The following PCF11 variants were observed in gnomAD, a reference collection of about 807,000 sequenced individuals.
PCF11 encodes the protein PCF11 cleavage and polyadenylation factor subunit.
Under a neutral mutation model 166.1 loss-of-function variants are expected in PCF11, and 19 were observed. The ratio of observed to expected loss-of-function variants is 0.11; its 90% CI spans 0.08 to 0.17. The LOEUF is 0.17. Among genes scored for constraint, PCF11 ranks in the 10% least tolerant of loss-of-function variants. PCF11 has a pLI of 1.00. For synonymous variants in PCF11, 663 were observed against 644.1 expected (o/e 1.03, Z -0.44); for missense variants, 1,565 against 1,855.5 (o/e 0.84, Z 2.88).
chr11:83,186,979 G>T (rs1861313132), exon 16 of PCF11: 1 of 152,326 alleles, frequency 6.6e-6, no homozygotes, highest in Admixed American at 6.5e-5. Flanking sequence ...GGGGAACAAA[G>T]ACTGGTAGGT....
At chr11:83,178,523 C>G (rs972084291) in intron 11 of PCF11, among the ~76,000 whole-genome samples, 1 of 151,792 alleles carries the variant, frequency 6.6e-6, no homozygotes, top group African/African-American at 2.4e-5. Flanking sequence ...CGGCTGGGCG[C>G]GGTGGCTCAC....
intron 9 of PCF11, among the ~76,000 whole-genome samples, chr11:83,174,011 G>A (rs1395001787): frequency 6.6e-6 from 1 of 152,136 alleles, no homozygotes; most frequent in African/African-American, 2.4e-5. Context: ...CTACAGGTAT[G>A]AGCCACTGTG....
At chr11:83,168,160 TC>T (rs1860539546) in intron 7 of PCF11, among the ~76,000 whole-genome samples, 2 of 152,202 alleles carry the variant, frequency 1.3e-5, no homozygotes, top group Non-Finnish European at 2.9e-5. Flanking sequence ...AAGTGTATAT[TC>T]TCCCTATTTT....
chr11:83,173,719 C>CTTTTTTTTTTTTT (rs869126679), intron 9 of PCF11, among the ~76,000 whole-genome samples: 21 of 59,072 alleles, frequency 3.6e-4, no homozygotes, highest in Non-Finnish European at 5.2e-4. Flanking sequence ...TTCTTTCTTT[C>CTTTTTTTTTTTTT]TTTTTTTTTT....
chr11:83,176,824 C>T (rs889710826), intron 9 of PCF11, among the ~76,000 whole-genome samples: 52 of 150,522 alleles, frequency 3.5e-4, no homozygotes, highest in African/African-American at 1.1e-3. Context: ...TACCCTAGAA[C>T]TTAAAAGTAT....
intron 8 of PCF11, among the ~76,000 whole-genome samples, chr11:83,170,914 C>T (rs1333851195): frequency 6.6e-6 from 1 of 152,116 alleles, no homozygotes; most frequent in African/African-American, 2.4e-5. Flanking sequence ...GTTGGCTTGC[C>T]TAGATTTACT....
chr11:83,170,454 C>CT (rs931779005), intron 8 of PCF11, among the ~76,000 whole-genome samples: 17 of 151,344 alleles, frequency 1.1e-4, no homozygotes, highest in Admixed American at 9.2e-4. Flanking sequence ...GTCTACAATT[C>CT]TTTTTTTTTG....
At chr11:83,170,810 GA>G (rs1369930712) in intron 8 of PCF11, among the ~76,000 whole-genome samples, 1 of 152,120 alleles carries the variant, frequency 6.6e-6, no homozygotes, top group African/African-American at 2.4e-5. Context: ...TTGCATGGAA[GA>G]AAATACAAAA....
chr11:83,172,622 G>A lies in PCF11; in HGVS notation c.3757+708G>A, dbSNP rs1860727582. ...ATTTTTACGGGGTTTCACCATCTTG[G>A]CCAGGCTGGTCTCGAGCTCCTGACC... On this transcript the variant is annotated intron_variant, in intron 9 of 15. Coordinates refer to ENST00000298281, the Ensembl canonical transcript of PCF11. Among the ~76,000 whole-genome samples, 2 of 152,002 alleles carry A rather than the reference G, an allele frequency of 1.3e-5. 1 individual carries two copies. Among genetic ancestry groups the A allele is most frequent in the South Asian group, 4.2e-4 (2 of 4,814 alleles).
intron 11 of PCF11, among the ~76,000 whole-genome samples, chr11:83,178,101 C>T (rs577796656): frequency 2.0e-5 from 3 of 152,238 alleles, no homozygotes; most frequent in Non-Finnish European, 2.9e-5. Flanking sequence ...AGTTCAGTGG[C>T]GTGATCCTGA....
chr11:83,157,211 A>G (rs1043531530), exon 1 of PCF11: 2 of 584,310 alleles, frequency 3.4e-6, no homozygotes, highest in South Asian at 2.1e-5. Flanking sequence ...CTGTGGAGAA[A>G]GAAGCTTCTG....
intron 1 of PCF11, 120 bp downstream of exon 1, chr11:83,157,751 A>AC (rs1282990383): frequency 5.8e-6 from 5 of 855,116 alleles, no homozygotes; most frequent in Non-Finnish European, 7.4e-6. Context: ...CAACCCCCCC[A>AC]CCCCCCTCCA....
At chr11:83,157,810 G>A in intron 1 of PCF11, 179 bp downstream of exon 1, 1 of 615,706 alleles carries the variant, frequency 1.6e-6, no homozygotes, top group Non-Finnish European at 2.9e-6. Context: ...CCTCTGGGGG[G>A]GAGGGAGTGG....
rs761187327 is a variant in PCF11 at position 83,157,641 on chromosome 11, C to T, written c.192+10C>T. On this transcript the variant is annotated intron_variant, in intron 1 of 15. Coordinates refer to ENST00000298281, the Ensembl canonical transcript of PCF11. ...GGCCCAAACCGCCAAGGTTTTTATACACCCCGCAGCCTCCTATTACTTCTA... is the reference window on the plus strand; with the variant it reads ...GGCCCAAACCGCCAAGGTTTTTATATACCCCGCAGCCTCCTATTACTTCTA... 3 of 1,611,590 alleles carry T rather than the reference C, an allele frequency of 1.9e-6. No homozygotes were observed. The highest frequency in any genetic ancestry group is 2.5e-6 in the Non-Finnish European group (3 of 1,177,688).
chr11:83,168,403 AAAT>A (rs781618538), intron 7 of PCF11, 22 bp from the exon 8 acceptor site: 1 of 1,540,816 alleles, frequency 6.5e-7, no homozygotes, highest in Non-Finnish European at 8.7e-7. Flanking sequence ...ACTTTAGTGA[AAAT>A]AATTTTTTTC....
At chr11:83,184,851 C>T in exon 16 of PCF11, 1 of 1,574,288 alleles carries the variant, frequency 6.4e-7, no homozygotes, top group East Asian at 2.3e-5. Flanking sequence ...ATAGCAACAC[C>T]CTCTGAAATT....
chr11:83,165,717 G>A (rs1287892204), exon 5 of PCF11: 1 of 1,613,710 alleles, frequency 6.2e-7, no homozygotes, highest in Admixed American at 1.7e-5. Context: ...TCAGGTTCCT[G>A]TGCAATCTGA....
At chr11:83,172,169 T>C (rs57131583) in intron 9 of PCF11, among the ~76,000 whole-genome samples, 13,627 of 152,156 alleles carry the variant, frequency 0.09, 2,047 homozygotes, top group African/African-American at 0.31. Flanking sequence ...AGGAAACCTA[T>C]TGGGTGGAAA....
At chr11:83,168,962 T>C in exon 8 of PCF11, 1 of 1,613,846 alleles carries the variant, frequency 6.2e-7, no homozygotes, top group Non-Finnish European at 8.5e-7. Context: ...GTGGGTGGTC[T>C]GAGGTTTGAG....
Sources: allele counts gnomAD v4.1 joint callset (sites outside exome capture counted in the v4.1 genomes callset), GRCh38; gene constraint gnomAD v4.1.1; transcripts MANE v1.5; gene names NCBI Gene and HGNC (gene_info 2026-07-23, HGNC 2026-07-21).